MTUS2: variants seen among roughly 807,000 people sequenced by gnomAD.
MTUS2 encodes microtubule associated scaffold protein 2, also known as microtubule-associated tumor suppressor candidate 2.
In MTUS2, 40 loss-of-function variants were observed where a neutral mutation model predicts 114.1. That is an observed-to-expected ratio of 0.35 (90% CI 0.27 to 0.46). The LOEUF is 0.46. MTUS2 is among the 20% of genes least tolerant of loss of function. The pLI is 1.00. For synonymous variants in MTUS2, 688 were observed against 672.0 expected (o/e 1.02, Z -0.37); for missense variants, 1,679 against 1,705.4 (o/e 0.98, Z 0.27).
intron 2 of MTUS2, among the ~76,000 whole-genome samples, chr13:28,904,755 A>G (rs1454271955): frequency 1.3e-5 from 2 of 152,122 alleles, no homozygotes; most frequent in Non-Finnish European, 2.9e-5. Context: ...TTGGTTCCAT[A>G]TGAACTTTAA....
At chr13:28,851,520 C>T (rs887842719) in intron 2 of MTUS2, among the ~76,000 whole-genome samples, 2 of 152,096 alleles carry the variant, frequency 1.3e-5, no homozygotes, top group African/African-American at 2.4e-5. Context: ...GTCAGAGATA[C>T]GAAGATATAT....
rs1898286802 is a variant in MTUS2 at position 29,281,860 on chromosome 13, C to A, written c.2801C>A (p.Pro934His). ...CCAGCGCCAAAATCCACTTCCACAC[C>A]CGCTGGTAAGACTTTGTGCCTTGGA... Reference protein sequence around the residue: ...LLPAPKSTSTPAGTKKDAQKD... With the variant: ...LLPAPKSTSTHAGTKKDAQKD... The change falls in exon 6 of 16, where the codon CCC becomes CAC. Residue 934 changes from proline to histidine, a missense_variant. Coordinates refer to ENST00000612955, the MANE Select transcript of MTUS2 (RefSeq NM_001033602.4). 1.3e-6 allele frequency: 2 copies of A among 1,594,280 alleles called. No homozygotes were observed. Among genetic ancestry groups the A allele is most frequent in the Non-Finnish European group, 1.7e-6 (2 of 1,167,300 alleles).
At chr13:29,158,284 G>A (rs1042353900) in intron 5 of MTUS2, among the ~76,000 whole-genome samples, 2 of 148,624 alleles carry the variant, frequency 1.3e-5, no homozygotes, top group African/African-American at 5.0e-5. Flanking sequence ...ATGTACTTTC[G>A]TATTTACACC....
intron 1 of MTUS2, among the ~76,000 whole-genome samples, chr13:28,824,092 C>T (rs891759183): frequency 1.1e-4 from 16 of 152,178 alleles, no homozygotes; most frequent in Non-Finnish European, 1.6e-4. Context: ...ATCTAGCAGC[C>T]TAAGGCCATG....
At chr13:28,873,909 G>GT (rs758102051) in intron 2 of MTUS2, among the ~76,000 whole-genome samples, 51 of 152,256 alleles carry the variant, frequency 3.3e-4, no homozygotes, top group Middle Eastern at 3.4e-3. Flanking sequence ...AGTATTTTGT[G>GT]TTATACTATC....
intron 1 of MTUS2, among the ~76,000 whole-genome samples, chr13:28,839,002 AT>A (rs576568383): frequency 6.6e-4 from 73 of 109,992 alleles, no homozygotes; most frequent in Admixed American, 2.3e-3. Context: ...TTCAATCCTG[AT>A]TTTTTTTTTT....
chr13:29,303,805 A>G (rs941184478), intron 6 of MTUS2, among the ~76,000 whole-genome samples: 3 of 152,296 alleles, frequency 2.0e-5, no homozygotes, highest in Middle Eastern at 3.4e-3. Flanking sequence ...AAGATACTCC[A>G]TGAGAAGATC....
intron 6 of MTUS2, among the ~76,000 whole-genome samples, chr13:29,310,462 T>G (rs1413222066): frequency 6.6e-6 from 1 of 152,242 alleles, no homozygotes; most frequent in African/African-American, 2.4e-5. Flanking sequence ...TAGTATTTAG[T>G]TTACACTTGG....
At chr13:28,916,095 A>G (rs1880729624) in intron 2 of MTUS2, among the ~76,000 whole-genome samples, 1 of 151,824 alleles carries the variant, frequency 6.6e-6, no homozygotes, top group Non-Finnish European at 1.5e-5. Flanking sequence ...CTTTGTGAAA[A>G]TGAGTTCGCT....
intron 5 of MTUS2, among the ~76,000 whole-genome samples, chr13:29,251,059 A>G (rs184030846): frequency 1.1e-3 from 165 of 152,298 alleles, no homozygotes; most frequent in African/African-American, 3.8e-3. Flanking sequence ...TTGAGAGTTC[A>G]AAGTGTAGAA....
intron 2 of MTUS2, among the ~76,000 whole-genome samples, chr13:28,988,560 C>A (rs893666178): frequency 7.2e-5 from 11 of 152,172 alleles, no homozygotes; most frequent in African/African-American, 2.2e-4. Context: ...TGTGAGCAAA[C>A]AAATCAGGAA....
chr13:29,268,700 C>T (rs1451968910), intron 5 of MTUS2, among the ~76,000 whole-genome samples: 1 of 152,106 alleles, frequency 6.6e-6, no homozygotes, highest in Non-Finnish European at 1.5e-5. Flanking sequence ...GTATAGCATA[C>T]TGTGGAATTC....
intron 2 of MTUS2, among the ~76,000 whole-genome samples, chr13:28,993,714 G>C (rs1402669331): frequency 2.0e-5 from 3 of 152,008 alleles, no homozygotes; most frequent in Non-Finnish European, 4.4e-5. Context: ...TGAGATGGCT[G>C]TACATGTGTG....
intron 9 of MTUS2, among the ~76,000 whole-genome samples, chr13:29,446,362 A>G (rs2138713090): frequency 6.6e-6 from 1 of 152,356 alleles, no homozygotes; most frequent in Non-Finnish European, 1.5e-5. Context: ...TTTAGGGATC[A>G]GTCTACAGAT....
rs189206892 is a variant in MTUS2, at chr13:29,338,011, C to T, written c.2905+13300C>T. 4.7e-3 allele frequency among the ~76,000 whole-genome samples: 699 copies of T among 149,096 alleles called. 6 individuals carry two copies. Among genetic ancestry groups the T allele is most frequent in the African/African-American group, 0.016 (654 of 40,504 alleles). Reference sequence around the variant, plus strand: ...CACCATGTTGGTTGGCCAGGATGGTCTCGATCTCTTGACCTCGTGATTTGC... The same window carrying T: ...CACCATGTTGGTTGGCCAGGATGGTTTCGATCTCTTGACCTCGTGATTTGC... On this transcript the variant is annotated intron_variant, in intron 7 of 15. Transcript: ENST00000612955.
intron 5 of MTUS2, among the ~76,000 whole-genome samples, chr13:29,220,688 C>G: frequency 6.6e-6 from 1 of 152,090 alleles, no homozygotes; most frequent in African/African-American, 2.4e-5. Flanking sequence ...GCAGTAATAT[C>G]AAATGTCACT....
At chr13:29,286,935 G>A (rs1291911091) in intron 6 of MTUS2, among the ~76,000 whole-genome samples, 2 of 152,236 alleles carry the variant, frequency 1.3e-5, no homozygotes, top group South Asian at 2.1e-4. Context: ...TGATCTGCCC[G>A]CCTTGGCCTC....
intron 5 of MTUS2, among the ~76,000 whole-genome samples, chr13:29,123,581 G>A (rs1891398398): frequency 6.6e-6 from 1 of 152,046 alleles, no homozygotes; most frequent in South Asian, 2.1e-4. Context: ...GCTGGGCATG[G>A]TGGTGCATTT....
At chr13:28,903,712 C>T (rs966698175) in intron 2 of MTUS2, among the ~76,000 whole-genome samples, 205 of 151,610 alleles carry the variant, frequency 1.4e-3, no homozygotes, top group African/African-American at 4.4e-3. Context: ...TGAATAGTGC[C>T]GCAATAAACA....
Sources: gnomAD v4.1 joint callset for allele counts (sites outside exome capture counted in the v4.1 genomes callset) on GRCh38, gnomAD v4.1.1 for gene constraint, MANE v1.5 for transcripts, NCBI Gene and HGNC (gene_info 2026-07-23, HGNC 2026-07-21) for gene names.